ADARB2: variants seen among roughly 807,000 people sequenced by gnomAD.
ADARB2 encodes the protein adenosine deaminase RNA specific B2 (inactive).
In ADARB2, 25 loss-of-function variants were observed where a neutral mutation model predicts 62.2. That is an observed-to-expected ratio of 0.40 (90% CI 0.29 to 0.56). The LOEUF is 0.56. Among genes scored for constraint, ADARB2 ranks in the 20% least tolerant of loss-of-function variants. The pLI is 0.43. For synonymous variants in ADARB2, 572 were observed against 500.8 expected (o/e 1.14, Z -1.90); for missense variants, 1,071 against 1,077.4 (o/e 0.99, Z 0.08).
intron 1 of ADARB2, among the ~76,000 whole-genome samples, chr10:1,628,064 T>C (rs1833793484): frequency 6.6e-6 from 1 of 152,250 alleles, no homozygotes; most frequent in Admixed American, 6.5e-5. Context: ...AGCTCTGCCC[T>C]TGTCCACGCG....
intron 1 of ADARB2, among the ~76,000 whole-genome samples, chr10:1,649,724 T>C (rs996598371): frequency 5.3e-4 from 80 of 152,338 alleles, no homozygotes; most frequent in African/African-American, 1.7e-3. Context: ...AGCCACAAGA[T>C]GCAGTGCTGG....
chr10:1,697,350 T>C (rs1834760427), intron 1 of ADARB2, among the ~76,000 whole-genome samples: 1 of 152,218 alleles, frequency 6.6e-6, no homozygotes, highest in African/African-American at 2.4e-5. Context: ...TCTTCCTTGT[T>C]GCTCAGTTTT....
At chr10:1,672,765 T>TGGAAAG (rs1328290782) in intron 1 of ADARB2, among the ~76,000 whole-genome samples, 44 of 142,824 alleles carry the variant, frequency 3.1e-4, no homozygotes, top group Non-Finnish European at 5.9e-4. Context: ...ACGCACACAC[T>TGGAAAG]TCCCCTTCCT....
chr10:1,633,592 CTA>C (rs774382782), intron 1 of ADARB2, among the ~76,000 whole-genome samples: 1 of 105,298 alleles, frequency 9.5e-6, no homozygotes, highest in Non-Finnish European at 2.4e-5. Flanking sequence ...ATCTATCTAT[CTA>C]TCTATCTATC....
chr10:1,343,474 A>G (rs1185894001), intron 3 of ADARB2, among the ~76,000 whole-genome samples: 1 of 152,248 alleles, frequency 6.6e-6, no homozygotes, highest in Non-Finnish European at 1.5e-5. Flanking sequence ...CAAATTCTCA[A>G]AGAACTTAAA....
intron 1 of ADARB2, among the ~76,000 whole-genome samples, chr10:1,427,932 C>T (rs1196999336): frequency 1.3e-5 from 2 of 151,854 alleles, no homozygotes; most frequent in African/African-American, 2.4e-5. Context: ...GATAAATCTC[C>T]TGGGAATCAT....
chr10:1,257,473 G>T (rs981813240), intron 4 of ADARB2, among the ~76,000 whole-genome samples: 1 of 152,182 alleles, frequency 6.6e-6, no homozygotes, highest in Non-Finnish European at 1.5e-5. Flanking sequence ...CAGCACTCAG[G>T]GATCAGATGC....
At chr10:1,479,575 C>T (rs940841137) in intron 1 of ADARB2, among the ~76,000 whole-genome samples, 1 of 152,094 alleles carries the variant, frequency 6.6e-6, no homozygotes, top group African/African-American at 2.4e-5. Flanking sequence ...AATCCAGAGT[C>T]GGGTTCTGCC....
At chr10:1,523,693 C>T (rs560156161) in intron 1 of ADARB2, among the ~76,000 whole-genome samples, 146 of 99,406 alleles carry the variant, frequency 1.5e-3, no homozygotes, top group African/African-American at 4.6e-3. Flanking sequence ...TAGAGTATCA[C>T]TGAAATAAAA....
intron 3 of ADARB2, among the ~76,000 whole-genome samples, chr10:1,289,161 C>T (rs1831441021): frequency 6.6e-6 from 1 of 152,210 alleles, no homozygotes; most frequent in Non-Finnish European, 1.5e-5. Context: ...TAACCCAGAC[C>T]TTCCTTTCTA....
intron 3 of ADARB2, among the ~76,000 whole-genome samples, chr10:1,355,686 C>G (rs1832187870): frequency 6.6e-6 from 1 of 152,198 alleles, no homozygotes; most frequent in Non-Finnish European, 1.5e-5. Flanking sequence ...TATTGGGAAC[C>G]TATAGGCTTA....
chr10:1,698,522 C>A (rs532689972), intron 1 of ADARB2, among the ~76,000 whole-genome samples: 1 of 152,246 alleles, frequency 6.6e-6, no homozygotes, highest in South Asian at 2.1e-4. Context: ...AGAAAAAATT[C>A]GAACATCCTC....
At chr10:1,727,083 A>G (rs1047507695) in intron 1 of ADARB2, among the ~76,000 whole-genome samples, 3 of 152,140 alleles carry the variant, frequency 2.0e-5, no homozygotes, top group Non-Finnish European at 4.4e-5. Flanking sequence ...AATTTACATA[A>G]CTGTGGCTTA....
intron 1 of ADARB2, among the ~76,000 whole-genome samples, chr10:1,512,990 G>T (rs770530556): frequency 1.3e-4 from 20 of 152,204 alleles, no homozygotes; most frequent in Non-Finnish European, 2.4e-4. Flanking sequence ...ACGATGTCTG[G>T]AGAGCGAACG....
At chr10:1,269,596 G>A (rs1831239184) in intron 4 of ADARB2, among the ~76,000 whole-genome samples, 1 of 152,262 alleles carries the variant, frequency 6.6e-6, no homozygotes, top group Non-Finnish European at 1.5e-5. Flanking sequence ...GCGAGGCTCA[G>A]TGGCTGGTCA....
intron 4 of ADARB2, among the ~76,000 whole-genome samples, chr10:1,266,288 C>T (rs944700345): frequency 2.6e-5 from 4 of 152,222 alleles, no homozygotes; most frequent in South Asian, 4.1e-4. Context: ...CCTGTAGGTC[C>T]GGTGCAACAG....
chr10:1,231,803 G>C (rs1830806404), intron 6 of ADARB2, among the ~76,000 whole-genome samples: 1 of 152,202 alleles, frequency 6.6e-6, no homozygotes, highest in Admixed American at 6.5e-5. Context: ...AGGGAAAGCA[G>C]TGGGGCTGGA....
chr10:1,501,501 A>C (rs1047509338), intron 1 of ADARB2, among the ~76,000 whole-genome samples: 1 of 152,220 alleles, frequency 6.6e-6, no homozygotes, highest in African/African-American at 2.4e-5. Context: ...AATCTGCATT[A>C]GAATGGCTCT....
intron 1 of ADARB2, among the ~76,000 whole-genome samples, chr10:1,435,741 C>T (rs1388111980): frequency 6.6e-6 from 1 of 152,246 alleles, no homozygotes; most frequent in Admixed American, 6.5e-5. Context: ...CTGGCTGCCA[C>T]CTGCCTCCCT....
Sources: allele counts gnomAD v4.1 joint callset (sites outside exome capture counted in the v4.1 genomes callset), GRCh38; gene constraint gnomAD v4.1.1; transcripts MANE v1.5; gene names NCBI Gene and HGNC (gene_info 2026-07-23, HGNC 2026-07-21).